PCSK6: variants seen among roughly 807,000 people sequenced by gnomAD.
PCSK6 encodes paired basic amino acid cleaving enzyme 4.
A neutral mutation model predicts 123.3 loss-of-function variants in PCSK6; 85 were observed. That is an observed-to-expected ratio of 0.69 (90% CI 0.58 to 0.83). The LOEUF is 0.83. Ranked by LOEUF, PCSK6 falls within the 40% of genes least tolerant of loss-of-function variation. The pLI is 0.00. For missense variants in PCSK6, 1,191 were observed against 1,282.3 expected (o/e 0.93, Z 1.09); for synonymous variants, 508 against 516.0 (o/e 0.98, Z 0.21).
intron 12 of PCSK6, among the ~76,000 whole-genome samples, chr15:101,367,469 G>A (rs542450786): frequency 9.8e-4 from 149 of 152,302 alleles, no homozygotes; most frequent in Non-Finnish European, 1.8e-3. Flanking sequence ...TTTATCTAGG[G>A]AACATTCTTT....
At chr15:101,382,491 T>C (rs914295549) in intron 10 of PCSK6, among the ~76,000 whole-genome samples, 2 of 151,994 alleles carry the variant, frequency 1.3e-5, no homozygotes, top group African/African-American at 4.8e-5. Flanking sequence ...GGTCTAGGAG[T>C]TTCTTTTTTT....
intron 12 of PCSK6, 95 bp downstream of exon 12, chr15:101,370,240 G>A: frequency 9.2e-7 from 1 of 1,089,830 alleles, no homozygotes; most frequent in East Asian, 3.0e-5. Flanking sequence ...AGAGGGCCTT[G>A]CAGAGACACT....
intron 9 of PCSK6, among the ~76,000 whole-genome samples, chr15:101,384,785 C>T (rs2042012251): frequency 6.6e-6 from 1 of 152,156 alleles, no homozygotes; most frequent in African/African-American, 2.4e-5. Context: ...ATTCTTCATC[C>T]TAAGCAAATA....
intron 7 of PCSK6, among the ~76,000 whole-genome samples, chr15:101,397,312 G>A (rs546372909): frequency 4.6e-5 from 7 of 152,232 alleles, no homozygotes; most frequent in South Asian, 2.1e-4. Flanking sequence ...GGCAGGACTC[G>A]GGGGTGGGCA....
chr15:101,410,965 C>G (rs987056855), intron 6 of PCSK6, among the ~76,000 whole-genome samples: 2 of 152,178 alleles, frequency 1.3e-5, no homozygotes, highest in African/African-American at 4.8e-5. Flanking sequence ...CCATCTGCAC[C>G]ACAGTGAAAA....
chr15:101,341,248 GTT>G (rs149761692), intron 13 of PCSK6, among the ~76,000 whole-genome samples: 21 of 129,632 alleles, frequency 1.6e-4, no homozygotes, highest in East Asian at 4.6e-4. Flanking sequence ...AAAGTGTGGG[GTT>G]TTTTTTTTTT....
At position 101,304,223 on chromosome 15, in the gene PCSK6, T is replaced by G. The variant is rs2039675906; in HGVS notation, c.*1035A>C. 2 of 152,520 alleles carry G rather than the reference T, an allele frequency of 1.3e-5. No individual in the cohort carries two copies. Among genetic ancestry groups the G allele is most frequent in the South Asian group, 4.1e-4 (2 of 4,832 alleles). 9.4% of individuals were successfully genotyped at this position (152,520 alleles called of 1,614,324 possible). A position where few individuals can be genotyped will look rare whatever the true frequency, so the allele number is the denominator to read the frequency against. On this transcript the variant is annotated 3_prime_UTR_variant, in exon 22 of 22. Transcript: ENST00000611716. Reference sequence around the variant, plus strand: ...CAAAATAATTAACATCGGTAAAAATTAGAACATGTAGCTTATAAAATGCCT... The same window carrying G: ...CAAAATAATTAACATCGGTAAAAATGAGAACATGTAGCTTATAAAATGCCT...
chr15:101,448,220 G>C (rs1410319957), intron 1 of PCSK6, among the ~76,000 whole-genome samples: 1 of 152,104 alleles, frequency 6.6e-6, no homozygotes, highest in Non-Finnish European at 1.5e-5. Flanking sequence ...ACGTTGATAG[G>C]CGATTATATG....
intron 13 of PCSK6, among the ~76,000 whole-genome samples, chr15:101,337,863 A>C (rs2040517127): frequency 2.0e-5 from 3 of 152,224 alleles, no homozygotes; most frequent in Non-Finnish European, 4.4e-5. Flanking sequence ...TGTGAACGTG[A>C]CCATTTGTTT....
intron 17 of PCSK6, among the ~76,000 whole-genome samples, chr15:101,323,067 T>C (rs1490794046): frequency 1.3e-5 from 2 of 152,226 alleles, no homozygotes; most frequent in Non-Finnish European, 2.9e-5. Context: ...CGAGTCATCG[T>C]GCCTCTTGGG....
At chr15:101,375,868 C>G (rs2041722172) in intron 11 of PCSK6, among the ~76,000 whole-genome samples, 1 of 152,084 alleles carries the variant, frequency 6.6e-6, no homozygotes, top group African/African-American at 2.4e-5. Context: ...AAGCCCGTCT[C>G]TACTAAAAAT....
chr15:101,437,417 A>G (rs1263975185), intron 2 of PCSK6, among the ~76,000 whole-genome samples: 2 of 152,222 alleles, frequency 1.3e-5, no homozygotes, highest in East Asian at 3.9e-4. Context: ...CGGGCAGTAG[A>G]GGAGGGGGAG....
In PCSK6 at chr15:101,471,333, G is replaced by T. The variant is rs116188836; in HGVS notation, c.297+18041C>A. 6.4e-3 allele frequency among the ~76,000 whole-genome samples: 754 copies of T among 118,282 alleles called. 4 individuals carry two copies. The highest frequency in any genetic ancestry group is 0.022 in the African/African-American group (695 of 31,004). The allele number at this position is 118,282 out of a possible 152,430, so 77.6% of individuals were successfully genotyped here. A position where few individuals can be genotyped will look rare whatever the true frequency, so the allele number is the denominator to read the frequency against. On this transcript the variant is annotated intron_variant, in intron 1 of 21. Transcript: ENST00000611716. ...GATTATGTCTTCAAAGACAACATGG[G>T]GTCTCTCCCACGTCCACAAAAATAC...
At chr15:101,366,142 T>TA (rs1486495487) in intron 13 of PCSK6, 54 bp downstream of exon 13, 2 of 1,554,778 alleles carry the variant, frequency 1.3e-6, no homozygotes, top group Non-Finnish European at 1.7e-6. Flanking sequence ...GGCCCAGAGG[T>TA]AAAAAGAGGC....
intron 13 of PCSK6, among the ~76,000 whole-genome samples, chr15:101,344,774 C>T (rs556643245): frequency 6.6e-6 from 1 of 152,224 alleles, no homozygotes; most frequent in Non-Finnish European, 1.5e-5. Flanking sequence ...GCCTCAGCCT[C>T]TTGAGTAGCT....
At chr15:101,369,759 T>C (rs904199086) in intron 12 of PCSK6, among the ~76,000 whole-genome samples, 15 of 144,058 alleles carry the variant, frequency 1.0e-4, no homozygotes, top group Non-Finnish European at 2.3e-4. Flanking sequence ...CAAAAAACCA[T>C]GTGCGAAGCT....
intron 5 of PCSK6, 91 bp from the exon 6 acceptor site, chr15:101,428,071 A>G (rs2056320294): frequency 7.8e-6 from 8 of 1,029,092 alleles, no homozygotes; most frequent in East Asian, 2.6e-5. Context: ...CAAGAGAGTC[A>G]GTTGTCCGAA....
chr15:101,489,186 G>T (rs2058097767), intron 1 of PCSK6, among the ~76,000 whole-genome samples, 188 bp downstream of exon 1: 2 of 61,792 alleles, frequency 3.2e-5, no homozygotes, highest in Admixed American at 1.7e-4. Flanking sequence ...AGTGTCCCGC[G>T]CGCGCCCCCC....
intron 1 of PCSK6, among the ~76,000 whole-genome samples, chr15:101,486,368 A>G (rs544009109): frequency 5.3e-5 from 8 of 152,204 alleles, no homozygotes; most frequent in Non-Finnish European, 1.0e-4. Context: ...AAGAATGAAG[A>G]ATGGTTTCTT....
Sources: allele counts gnomAD v4.1 joint callset (sites outside exome capture counted in the v4.1 genomes callset), GRCh38; gene constraint gnomAD v4.1.1; transcripts MANE v1.5; gene names NCBI Gene and HGNC (gene_info 2026-07-23, HGNC 2026-07-21).